Variants in NDUFAF3 observed in about 807,000 individuals in gnomAD.
NDUFAF3 encodes the protein NADH dehydrogenase [ubiquinone] 1 alpha subcomplex assembly factor 3.
NDUFAF3 carries 21 observed loss-of-function variants against 22.6 expected under a neutral mutation model. The ratio of observed to expected loss-of-function variants is 0.93; its 90% CI spans 0.66 to 1.34. NDUFAF3 has a LOEUF of 1.34. Among genes scored for constraint, NDUFAF3 ranks in the 40% most tolerant of loss-of-function variants. The pLI, the probability that NDUFAF3 is intolerant of heterozygous loss-of-function variation, is 0.00. For missense variants in NDUFAF3, 251 were observed against 248.4 expected (o/e 1.01, Z -0.07); for synonymous variants, 113 against 104.9 (o/e 1.08, Z -0.47).
rs1575304500 is a variant in NDUFAF3, at chr3:49,022,622, T to C, written c.271-80T>C. 1 of 1,613,012 alleles carries C rather than the reference T, an allele frequency of 6.2e-7. No homozygotes were observed. Among genetic ancestry groups the C allele is most frequent in the East Asian group, 2.2e-5 (1 of 44,878 alleles). ...TTGGTCCCTGCAAACTTGGCTTTCC[T>C]CTGTCTCCTCCTGCAGTGGATGGAG... On this transcript the variant is annotated intron_variant, in intron 2 of 4. Transcript: ENST00000326925. The surrounding 1 kb of genome is among the most constrained non-coding windows in gnomAD (Gnocchi z 6.6).
At position 49,022,977 on chromosome 3, in the gene NDUFAF3, G is replaced by GT; in HGVS notation, c.438+2dup. The GT allele has an allele frequency of 6.2e-7, 1 of 1,614,078 alleles. No homozygotes were observed. Among genetic ancestry groups the GT allele is most frequent in the Non-Finnish European group, 8.5e-7 (1 of 1,180,006 alleles). ...CATTGCTGTGGAAGTGCAGGACACGGTGAGTCCCGGGACTGGGGCATGCTG... is the reference window on the plus strand; with the variant it reads ...CATTGCTGTGGAAGTGCAGGACACGGTTGAGTCCCGGGACTGGGGCATGCTG... On this transcript the variant is annotated splice_donor_variant, in intron 4 of 4. Coordinates refer to ENST00000326925, the MANE Select transcript of NDUFAF3 (RefSeq NM_199069.2). LOFTEE classifies it high-confidence loss of function. The surrounding 1 kb of genome is among the most constrained non-coding windows in gnomAD (Gnocchi z 6.6).
upstream of NDUFAF3, chr3:49,020,530 G>A (rs2093144745): frequency 6.9e-6 from 3 of 437,330 alleles, no homozygotes; most frequent in South Asian, 1.6e-5. Context: ...CCAGCCTGAG[G>A]GCGCAACTGA....
chr3:49,022,169 A>C lies in NDUFAF3; in HGVS notation c.25A>C (p.Ser9Arg). Residue 9 changes from serine to arginine, a missense_variant, in exon 1 of 5, where the codon AGC (serine) becomes CGC (arginine). Coordinates refer to ENST00000326925, the MANE Select transcript of NDUFAF3 (RefSeq NM_199069.2). This position sits in a 1 kb window ranked among gnomAD's most constrained non-coding sequence, Gnocchi z 6.6. MATALALRSLYRARPSLRC... is the reference protein window; with the variant it reads MATALALRRLYRARPSLRC... The stretch of plus-strand genomic sequence containing the variant: ...CATGGCCACCGCTCTCGCGCTACGT[A>C]GCTTGTACCGAGCGCGACCCTCGCT... 6.2e-7 allele frequency: 1 copy of C among 1,610,266 alleles called. No homozygotes were observed. Among genetic ancestry groups the C allele is most frequent in the Middle Eastern group, 1.7e-4 (1 of 6,058 alleles).
upstream of NDUFAF3, chr3:49,022,087 C>T (rs562087317): frequency 1.3e-4 from 207 of 1,548,210 alleles, no homozygotes; most frequent in Non-Finnish European, 1.7e-4. The surrounding 1 kb of genome is among the most constrained non-coding windows in gnomAD (Gnocchi z 6.6). Context: ...CTCCGCAGGG[C>T]CCTCCCAACC....
upstream of NDUFAF3, chr3:49,021,454 C>G (rs1482092333): frequency 6.5e-6 from 1 of 153,282 alleles, no homozygotes; most frequent in Non-Finnish European, 1.5e-5. This position sits in a 1 kb window ranked among gnomAD's most constrained non-coding sequence, Gnocchi z 4.1. Context: ...CTGGTCTGGG[C>G]CAGCCGAACA....
rs749364819 is a variant in NDUFAF3, at chr3:49,022,812, G to GA, written c.337+46dup. 6.2e-6 allele frequency: 10 copies of GA among 1,613,558 alleles called. No individual in the cohort carries two copies. Among genetic ancestry groups the GA allele is most frequent in the Non-Finnish European group, 8.5e-6 (10 of 1,179,900 alleles). ...GAGAACAGAGGTGTTCTGGGCCCCA[G>GA]AAGGCGACCCCCACTGCAGCCTCTC... On this transcript the variant is annotated intron_variant, in intron 3 of 4. Coordinates refer to ENST00000326925, the MANE Select transcript of NDUFAF3 (RefSeq NM_199069.2). This position sits in a 1 kb window ranked among gnomAD's most constrained non-coding sequence, Gnocchi z 6.6.
rs2093179829 is a variant in NDUFAF3 at position 49,023,218 on chromosome 3, A to G, written c.*46A>G. 1 of 1,370,850 alleles carries G rather than the reference A, an allele frequency of 7.3e-7. No individual in the cohort carries two copies. The highest frequency in any genetic ancestry group is 1.0e-6 in the Non-Finnish European group (1 of 959,224). 84.9% of individuals were successfully genotyped at this position (1,370,850 alleles called of 1,614,324 possible). The stretch of plus-strand genomic sequence containing the variant: ...TGACTGCACTCTGCCAGGCTTCCCA[A>G]TGCTTTCACTCTTATCTACCCTTTG... On this transcript the variant is annotated 3_prime_UTR_variant, in exon 5 of 5. Coordinates refer to ENST00000326925, the MANE Select transcript of NDUFAF3 (RefSeq NM_199069.2).
Position 49,023,245 on chromosome 3 carries a change from C to T in NDUFAF3, c.*73C>T. ...GCTTTCACTCTTATCTACCCTTTGG[C>T]ACTTATCTTGCTTATCAACATAATA... On this transcript the variant is annotated 3_prime_UTR_variant, in exon 5 of 5. Transcript: ENST00000326925. 2 of 1,118,608 alleles carry T rather than the reference C, an allele frequency of 1.8e-6. No homozygotes were observed. The highest frequency in any genetic ancestry group is 1.2e-5 in the South Asian group (1 of 81,050). The allele number at this position is 1,118,608 out of a possible 1,614,324, so 69.3% of individuals were successfully genotyped here. A position where few individuals can be genotyped will look rare whatever the true frequency, so the allele number is the denominator to read the frequency against.
Position 49,022,354 on chromosome 3 carries a change from G to C in NDUFAF3, c.86G>C (p.Arg29Pro). 1 of 1,611,968 alleles carries C rather than the reference G, an allele frequency of 6.2e-7. No homozygotes were observed. The highest frequency in any genetic ancestry group is 8.5e-7 in the Non-Finnish European group (1 of 1,179,932). ...ACCCTTTCCCTCCGCAGGGCCCCGC[G>C]GCGAGGGCATCGGCTCTCGCCGGCG... Reference protein sequence around the residue: ...CPPVELPWAPRRGHRLSPADD... With the variant: ...CPPVELPWAPPRGHRLSPADD... The change falls in exon 2 of 5, where the codon CGG (arginine) becomes CCG (proline). Residue 29 changes from arginine (R) to proline (P), a missense_variant. Arg to Pro is a moderately radical substitution (Grantham distance 103). Transcript: ENST00000326925. The surrounding 1 kb of genome is among the most constrained non-coding windows in gnomAD (Gnocchi z 6.6).
In NDUFAF3 at chr3:49,022,523, G is replaced by A. The variant is rs370061971; in HGVS notation, c.255G>A (p.Ser85=). The change falls in exon 2 of 5, where the codon TCG becomes TCA. Residue 85 remains serine, a synonymous_variant. Transcript: ENST00000326925. This position sits in a 1 kb window ranked among gnomAD's most constrained non-coding sequence, Gnocchi z 6.6. The part of the protein sequence containing the change: ...VLGPCALLPH[S]VVQWNVGSHQ... The stretch of plus-strand genomic sequence containing the variant: ...GCCCCTGCGCTCTGCTCCCGCACTC[G>A]GTGGTGCAGTGGAACGTGAGTCCTG... 198 of 1,613,154 alleles carry A rather than the reference G, an allele frequency of 1.2e-4. No homozygotes were observed. The highest frequency in any genetic ancestry group is 1.7e-4 in the Non-Finnish European group (196 of 1,179,950).
rs567619323 is a variant in NDUFAF3 at position 49,023,251 on chromosome 3, T to C, written c.*79T>C. The C allele has an allele frequency of 3.4e-5, 36 of 1,074,114 alleles. No homozygotes were observed. The highest frequency in any genetic ancestry group is 1.2e-4 in the African/African-American group (8 of 64,420). The allele number at this position is 1,074,114 out of a possible 1,614,324, so 66.5% of individuals were successfully genotyped here. A position where few individuals can be genotyped will look rare whatever the true frequency, so the allele number is the denominator to read the frequency against. ...ACTCTTATCTACCCTTTGGCACTTATCTTGCTTATCAACATAATAATTTAT... is the reference window on the plus strand; with the variant it reads ...ACTCTTATCTACCCTTTGGCACTTACCTTGCTTATCAACATAATAATTTAT... On this transcript the variant is annotated 3_prime_UTR_variant, in exon 5 of 5. Transcript: ENST00000326925.
In NDUFAF3 at chr3:49,022,170, G is replaced by A; in HGVS notation, c.26G>A (p.Ser9Asn). 1 of 1,610,316 alleles carries A rather than the reference G, an allele frequency of 6.2e-7. No individual in the cohort carries two copies. Among genetic ancestry groups the A allele is most frequent in the Non-Finnish European group, 8.5e-7 (1 of 1,179,638 alleles). The change falls in exon 1 of 5, where the codon AGC becomes AAC. Residue 9 changes from serine to asparagine, a missense_variant. Ser to Asn is a conservative substitution (Grantham distance 46). Coordinates refer to ENST00000326925, the MANE Select transcript of NDUFAF3 (RefSeq NM_199069.2). The surrounding 1 kb of genome is among the most constrained non-coding windows in gnomAD (Gnocchi z 6.6). Reference sequence around the variant, plus strand: ...ATGGCCACCGCTCTCGCGCTACGTAGCTTGTACCGAGCGCGACCCTCGCTG... The same window carrying A: ...ATGGCCACCGCTCTCGCGCTACGTAACTTGTACCGAGCGCGACCCTCGCTG... MATALALR[S>N]LYRARPSLRC...
Position 49,022,900 on chromosome 3 carries a change from ACCGGACCGAGAGG to A in NDUFAF3, c.364_376del (p.Arg122CysfsTer9). 6.2e-7 allele frequency: 1 copy of A among 1,613,942 alleles called. No homozygotes were observed. The highest frequency in any genetic ancestry group is 8.5e-7 in the Non-Finnish European group (1 of 1,180,002). On this transcript the variant is annotated frameshift_variant, in exon 4 of 5. Coordinates refer to ENST00000326925, the MANE Select transcript of NDUFAF3 (RefSeq NM_199069.2). LOFTEE classifies it high-confidence loss of function. This position sits in a 1 kb window ranked among gnomAD's most constrained non-coding sequence, Gnocchi z 6.6. ...GAGATCGTGGTGGTGGGGACTGGAGACCGGACCGAGAGGCTGCAGTCCCAGGTGCTTCAAGCCA... is the reference window on the plus strand; with the variant it reads ...GAGATCGTGGTGGTGGGGACTGGAGACTGCAGTCCCAGGTGCTTCAAGCCA...
Position 49,023,176 on chromosome 3 carries a change from G to T in NDUFAF3, c.*4G>T, listed in dbSNP as rs2093179480. 1 of 1,606,412 alleles carries T rather than the reference G, an allele frequency of 6.2e-7. No homozygotes were observed. Among genetic ancestry groups the T allele is most frequent in the Non-Finnish European group, 8.5e-7 (1 of 1,173,354 alleles). Reference sequence around the variant, plus strand: ...TTTGGGCCAAGCTGCTCAATGAACCGCCAGGAACTGACCTGCTGACTGCAC... The same window carrying T: ...TTTGGGCCAAGCTGCTCAATGAACCTCCAGGAACTGACCTGCTGACTGCAC... On this transcript the variant is annotated 3_prime_UTR_variant, in exon 5 of 5. Coordinates refer to ENST00000326925, the MANE Select transcript of NDUFAF3 (RefSeq NM_199069.2).
chr3:49,021,355 G>C (rs1255160310), upstream of NDUFAF3: 1 of 152,576 alleles, frequency 6.6e-6, no homozygotes, highest in Non-Finnish European at 1.5e-5. The surrounding 1 kb of genome is among the most constrained non-coding windows in gnomAD (Gnocchi z 4.1). Context: ...ATCAAGACGG[G>C]GGACGGGGGA....
At position 49,023,221 on chromosome 3, in the gene NDUFAF3, C is replaced by T; in HGVS notation, c.*49C>T. On this transcript the variant is annotated 3_prime_UTR_variant, in exon 5 of 5. Transcript: ENST00000326925. The stretch of plus-strand genomic sequence containing the variant: ...CTGCACTCTGCCAGGCTTCCCAATG[C>T]TTTCACTCTTATCTACCCTTTGGCA... 7.5e-7 allele frequency: 1 copy of T among 1,340,200 alleles called. No homozygotes were observed. Among genetic ancestry groups the T allele is most frequent in the East Asian group, 2.3e-5 (1 of 43,570 alleles). The allele number at this position is 1,340,200 out of a possible 1,614,324, so 83.0% of individuals were successfully genotyped here. A position where few individuals can be genotyped will look rare whatever the true frequency, so the allele number is the denominator to read the frequency against.
Position 49,022,267 on chromosome 3 carries a change from G to T in NDUFAF3, c.77+46G>T. The T allele has an allele frequency of 6.2e-7, 1 of 1,608,352 alleles. No individual in the cohort carries two copies. The highest frequency in any genetic ancestry group is 8.5e-7 in the Non-Finnish European group (1 of 1,178,988). ...CTCGACCATCCAGCCCCCTAGGGCCGGCGACTGCCAGCCCAGCACCTTCCG... is the reference window on the plus strand; with the variant it reads ...CTCGACCATCCAGCCCCCTAGGGCCTGCGACTGCCAGCCCAGCACCTTCCG... On this transcript the variant is annotated intron_variant, in intron 1 of 4. Transcript: ENST00000326925. This position sits in a 1 kb window ranked among gnomAD's most constrained non-coding sequence, Gnocchi z 6.6.
In NDUFAF3 at chr3:49,022,754, TGGAGCCCC is replaced by T; in HGVS notation, c.327_334del (p.Glu109AspfsTer48). On this transcript the variant is annotated frameshift_variant, in exon 3 of 5. Transcript: ENST00000326925. LOFTEE classifies it high-confidence loss of function. This position sits in a 1 kb window ranked among gnomAD's most constrained non-coding sequence, Gnocchi z 6.6. The stretch of plus-strand genomic sequence containing the variant: ...GACAGCTTTTCCCTCTTCTGGTTGC[TGGAGCCCC>T]GGATAGGTACTGGGGAAGGGGAGGG... 6.2e-7 allele frequency: 1 copy of T among 1,614,046 alleles called. No individual in the cohort carries two copies. The highest frequency in any genetic ancestry group is 8.5e-7 in the Non-Finnish European group (1 of 1,180,038).
rs1378867079 is a variant in NDUFAF3 at position 49,023,153 on chromosome 3, T to C, written c.536T>C (p.Leu179Ser). Reference protein sequence around the residue: ...PPPGGTSLTSLGQAAQ With the variant: ...PPPGGTSLTSSGQAAQ ...CCAGGAGGGACTTCACTTACATCTT[T>C]GGGCCAAGCTGCTCAATGAACCGCC... The change falls in exon 5 of 5, where the codon TTG becomes TCG. Residue 179 changes from leucine to serine, a missense_variant. By Grantham distance (145) the Leu-to-Ser change is moderately radical. Coordinates refer to ENST00000326925, the MANE Select transcript of NDUFAF3 (RefSeq NM_199069.2). 5.6e-6 allele frequency: 9 copies of C among 1,614,020 alleles called. No homozygotes were observed. The highest frequency in any genetic ancestry group is 7.6e-6 in the Non-Finnish European group (9 of 1,179,976).
Sources: allele counts gnomAD v4.1 joint callset, GRCh38; gene constraint gnomAD v4.1.1; non-coding constraint Gnocchi (gnomAD v3.1); transcripts MANE v1.5; gene names NCBI Gene and HGNC (gene_info 2026-07-23, HGNC 2026-07-21).